The following GSG1L variants were observed in gnomAD, a reference collection of about 807,000 sequenced individuals.
The protein encoded by GSG1L is germ cell-specific gene 1-like protein.
In GSG1L, 24 loss-of-function variants were observed where a neutral mutation model predicts 42.1. That is an observed-to-expected ratio of 0.57 (90% CI 0.41 to 0.80). The LOEUF (loss-of-function observed/expected upper bound fraction) is 0.80. GSG1L is among the 30% of genes least tolerant of loss of function. The pLI is 0.00. For missense variants in GSG1L, 445 were observed against 472.2 expected (o/e 0.94, Z 0.53); for synonymous variants, 215 against 203.5 (o/e 1.06, Z -0.48).
chr16:27,951,179 G>C (rs554351073), intron 2 of GSG1L, among the ~76,000 whole-genome samples: 2 of 152,208 alleles, frequency 1.3e-5, no homozygotes, highest in Admixed American at 1.3e-4. Flanking sequence ...CATCAGGTGA[G>C]CCAGCCTCTG....
At position 28,040,882 on chromosome 16, in the gene GSG1L, C is replaced by G. The variant is rs769646079; in HGVS notation, c.349+22194G>C. On this transcript the variant is annotated intron_variant, in intron 1 of 6. Transcript: ENST00000447459. The surrounding 1 kb of genome is among the most constrained non-coding windows in gnomAD (Gnocchi z 4.1). ...CATCCCAGACCATCTCTCTGCGTTC[C>G]GAGGGCCTTATTCAGACCCCACAGC... Among the ~76,000 whole-genome samples the G allele has an allele frequency of 2.6e-5, 4 of 152,210 alleles. No individual in the cohort carries two copies. Among genetic ancestry groups the G allele is most frequent in the African/African-American group, 9.7e-5 (4 of 41,448 alleles).
At chr16:27,845,214 C>G (rs953741374) in intron 3 of GSG1L, among the ~76,000 whole-genome samples, 153 bp from the exon 4 acceptor site, 4 of 152,176 alleles carry the variant, frequency 2.6e-5, no homozygotes, top group African/African-American at 4.8e-5. Context: ...AGGAACAGAG[C>G]TTGGGAGGCC....
intron 2 of GSG1L, among the ~76,000 whole-genome samples, chr16:27,937,533 C>T (rs918166939): frequency 2.6e-5 from 4 of 152,218 alleles, no homozygotes; most frequent in Admixed American, 2.0e-4. Context: ...TGAGCCACCA[C>T]GCCTGGCCCC....
At chr16:28,001,933 T>C (rs2412091) in intron 1 of GSG1L, among the ~76,000 whole-genome samples, 35,590 of 152,104 alleles carry the variant, frequency 0.23, 5,033 homozygotes, top group Non-Finnish European at 0.33. Context: ...AGAATGGGGT[T>C]CCTGTGTGGG....
At chr16:27,906,088 C>T (rs1040136055) in intron 2 of GSG1L, among the ~76,000 whole-genome samples, 8 of 152,070 alleles carry the variant, frequency 5.3e-5, no homozygotes, top group Non-Finnish European at 7.4e-5. Context: ...GAGATCACAG[C>T]TTCCAAATGC....
chr16:27,795,745 C>T (rs1418431778), intron 6 of GSG1L, among the ~76,000 whole-genome samples: 1 of 152,192 alleles, frequency 6.6e-6, no homozygotes, highest in East Asian at 1.9e-4. Context: ...TATTTGACCA[C>T]AGGAGGTTCC....
intron 2 of GSG1L, among the ~76,000 whole-genome samples, chr16:27,897,726 C>T (rs553228303): frequency 6.6e-6 from 1 of 152,310 alleles, no homozygotes; most frequent in South Asian, 2.1e-4. Context: ...CACAGAGATA[C>T]CTCGCTGTGG....
chr16:27,857,059 G>A (rs961227304), intron 3 of GSG1L, among the ~76,000 whole-genome samples: 2 of 152,146 alleles, frequency 1.3e-5, no homozygotes, highest in Non-Finnish European at 2.9e-5. Flanking sequence ...TCAACTTTGG[G>A]GGCCCATGTG....
At chr16:27,938,849 A>G (rs978761446) in intron 2 of GSG1L, among the ~76,000 whole-genome samples, 3 of 152,202 alleles carry the variant, frequency 2.0e-5, no homozygotes, top group Non-Finnish European at 4.4e-5. Flanking sequence ...AACCACAAAG[A>G]GCAGCCCAAG....
At chr16:27,891,089 A>G (rs899071918) in intron 2 of GSG1L, among the ~76,000 whole-genome samples, 1 of 152,112 alleles carries the variant, frequency 6.6e-6, no homozygotes, top group African/African-American at 2.4e-5. Flanking sequence ...GGGGACGTAC[A>G]CCAACCTGCC....
chr16:28,062,793 G>C (rs1244511468), intron 1 of GSG1L, among the ~76,000 whole-genome samples: 1 of 152,130 alleles, frequency 6.6e-6, no homozygotes, highest in East Asian at 1.9e-4. Flanking sequence ...GCGCCTTCCC[G>C]GGGCGCGGGA....
intron 1 of GSG1L, among the ~76,000 whole-genome samples, chr16:28,022,620 C>T (rs2085856965): frequency 6.6e-6 from 1 of 151,872 alleles, no homozygotes; most frequent in Admixed American, 6.6e-5. Flanking sequence ...TACAGGCGTG[C>T]ACCACCACGC....
chr16:28,013,369 G>A (rs2085746364), intron 1 of GSG1L, among the ~76,000 whole-genome samples: 1 of 143,588 alleles, frequency 7.0e-6, no homozygotes, highest in Non-Finnish European at 1.5e-5. Context: ...AGAGGGAGGT[G>A]GGCGTCAGGA....
Position 27,875,669 on chromosome 16 carries a change from C to T in GSG1L, c.550+8817G>A, listed in dbSNP as rs368194006. 3.3e-5 allele frequency among the ~76,000 whole-genome samples: 5 copies of T among 152,244 alleles called. No homozygotes were observed. The East Asian group carries it at 5.8e-4, about 18-fold the overall frequency. The stretch of plus-strand genomic sequence containing the variant: ...TGACTGAGCCCACATCATGGACGTG[C>T]CAACAGACCCAACCAAACCTGGCTA... On this transcript the variant is annotated intron_variant, in intron 3 of 6. Transcript: ENST00000447459.
At chr16:27,976,810 A>T (rs957246353) in intron 1 of GSG1L, among the ~76,000 whole-genome samples, 1 of 152,174 alleles carries the variant, frequency 6.6e-6, no homozygotes, top group African/African-American at 2.4e-5. Flanking sequence ...CCCAGCCTTC[A>T]AGATCCAGCT....
chr16:28,038,642 T>C (rs1455104637), intron 1 of GSG1L, among the ~76,000 whole-genome samples: 2 of 152,134 alleles, frequency 1.3e-5, no homozygotes, highest in African/African-American at 4.8e-5. Context: ...CAGATTACCG[T>C]AACCTCAAGC....
chr16:28,060,825 G>C (rs367775483), intron 1 of GSG1L, among the ~76,000 whole-genome samples: 11 of 152,264 alleles, frequency 7.2e-5, no homozygotes, highest in Non-Finnish European at 1.6e-4. Flanking sequence ...AACGTTAAAG[G>C]CTCAATAAAT....
In GSG1L at chr16:27,844,959, C is replaced by T; in HGVS notation, c.653G>A (p.Trp218Ter). The part of the protein sequence containing the change: ...DWRPHSWDYG[W>*]SFCLAWGSFT... ...CTGAAGGTCCACTTACCAGAAGGAC[C>T]ACCCGTAGTCCCAGGAATGGGGTCT... The change falls in exon 4 of 7, where the codon TGG (tryptophan) becomes TAG (stop). Residue 218 changes from tryptophan (W) to a stop codon, truncating the protein, a stop_gained. Transcript: ENST00000447459. LOFTEE classifies it high-confidence loss of function. 6.2e-7 allele frequency: 1 copy of T among 1,607,030 alleles called. No individual in the cohort carries two copies. Among genetic ancestry groups the T allele is most frequent in the Non-Finnish European group, 8.5e-7 (1 of 1,174,394 alleles).
chr16:27,840,359 G>A (rs193078784), intron 4 of GSG1L, among the ~76,000 whole-genome samples: 54 of 152,100 alleles, frequency 3.6e-4, no homozygotes, highest in Admixed American at 7.2e-4. Flanking sequence ...GCCTCTCAAG[G>A]TGCTGGGATT....
Sources: gnomAD v4.1 joint callset for allele counts (sites outside exome capture counted in the v4.1 genomes callset) on GRCh38, gnomAD v4.1.1 for gene constraint, Gnocchi (gnomAD v3.1) non-coding constraint, MANE v1.5 for transcripts, NCBI Gene and HGNC (gene_info 2026-07-23, HGNC 2026-07-21) for gene names.